SYT1: variants seen among roughly 807,000 people sequenced by gnomAD.
SYT1 encodes synaptotagmin-1.
A neutral mutation model predicts 44.8 loss-of-function variants in SYT1; 8 were observed. The observed-to-expected ratio is 0.18, with a 90% confidence interval of 0.10 to 0.32. SYT1 has a LOEUF of 0.32. SYT1 is among the 10% of genes least tolerant of loss of function. The probability of loss-of-function intolerance (pLI) is 1.00; values close to 1 mark genes in which losing one functional copy is unlikely to be tolerated. For missense variants in SYT1, 286 were observed against 509.3 expected (o/e 0.56, Z 4.22); for synonymous variants, 154 against 188.8 (o/e 0.82, Z 1.51).
intron 1 of SYT1, among the ~76,000 whole-genome samples, chr12:78,869,390 T>C (rs938245775): frequency 3.9e-5 from 6 of 152,030 alleles, no homozygotes; most frequent in African/African-American, 1.4e-4. Flanking sequence ...AAATGTATGC[T>C]ACCTATTAGA....
chr12:79,006,545 A>G (rs1402804467), intron 2 of SYT1, among the ~76,000 whole-genome samples: 1 of 150,420 alleles, frequency 6.6e-6, no homozygotes, highest in African/African-American at 2.5e-5. Flanking sequence ...TTTGGCAGTC[A>G]GTAGGGATAA....
chr12:78,893,994 G>T (rs1875200185), intron 1 of SYT1, among the ~76,000 whole-genome samples: 1 of 151,534 alleles, frequency 6.6e-6, no homozygotes, highest in Admixed American at 6.6e-5. Flanking sequence ...GCAAAAATAA[G>T]CTGTTTTAAC....
At chr12:79,296,386 T>C in intron 7 of SYT1, 150 bp downstream of exon 7, 1 of 792,434 alleles carries the variant, frequency 1.3e-6, no homozygotes, top group Non-Finnish European at 1.9e-6. Context: ...TTATCTTCAC[T>C]ACAGTCAACA....
chr12:79,375,254 C>T (rs1883946610), intron 9 of SYT1, among the ~76,000 whole-genome samples: 1 of 152,118 alleles, frequency 6.6e-6, no homozygotes, highest in African/African-American at 2.4e-5. Context: ...GAGTACTTAA[C>T]CTCCACTGGA....
chr12:79,069,530 A>G (rs1441007650), intron 3 of SYT1, among the ~76,000 whole-genome samples: 1 of 150,206 alleles, frequency 6.7e-6, no homozygotes, highest in Non-Finnish European at 1.5e-5. Context: ...TTTCTATTTT[A>G]TTTATGGATA....
At chr12:79,342,062 G>A (rs1173456120) in intron 8 of SYT1, among the ~76,000 whole-genome samples, 2 of 152,084 alleles carry the variant, frequency 1.3e-5, no homozygotes, top group Admixed American at 6.6e-5. Context: ...ATGATATAAA[G>A]AAGGCTTTCC....
intron 1 of SYT1, among the ~76,000 whole-genome samples, chr12:78,952,485 C>T (rs139586792): frequency 2.0e-5 from 3 of 152,142 alleles, no homozygotes; most frequent in African/African-American, 4.8e-5. Context: ...ATTATAGGTC[C>T]AGTTTGTTTC....
chr12:79,178,485 C>T (rs1177995572), intron 3 of SYT1, among the ~76,000 whole-genome samples: 1 of 151,900 alleles, frequency 6.6e-6, no homozygotes, highest in Non-Finnish European at 1.5e-5. Flanking sequence ...TATTCTAGGC[C>T]CACTTTGTAC....
chr12:78,880,690 A>G (rs1874406606), intron 1 of SYT1, among the ~76,000 whole-genome samples: 1 of 151,636 alleles, frequency 6.6e-6, no homozygotes. Context: ...AACAATTTGC[A>G]TAGAGATGAC....
At chr12:79,017,064 A>G (rs1871855142) in intron 2 of SYT1, among the ~76,000 whole-genome samples, 2 of 152,128 alleles carry the variant, frequency 1.3e-5, no homozygotes, top group Non-Finnish European at 2.9e-5. Flanking sequence ...GGGAATGGAG[A>G]AAAATATAGT....
chr12:79,441,319 CTGT>C (rs974479273), intron 9 of SYT1, among the ~76,000 whole-genome samples: 8 of 151,930 alleles, frequency 5.3e-5, no homozygotes, highest in Admixed American at 1.3e-4. Flanking sequence ...GCTGCTGCTG[CTGT>C]TGTTGTTGTT....
At chr12:79,166,584 T>C (rs1871234394) in intron 3 of SYT1, among the ~76,000 whole-genome samples, 1 of 152,028 alleles carries the variant, frequency 6.6e-6, no homozygotes, top group Non-Finnish European at 1.5e-5. Flanking sequence ...TATGGTGTGA[T>C]GCCCAAGTAA....
chr12:79,204,254 T>C (rs1592850430), intron 3 of SYT1, among the ~76,000 whole-genome samples: 1 of 152,376 alleles, frequency 6.6e-6, no homozygotes, highest in Non-Finnish European at 1.5e-5. Flanking sequence ...TTTATTGATA[T>C]ATTATTTCTA....
At chr12:79,178,340 T>A (rs1872029721) in intron 3 of SYT1, among the ~76,000 whole-genome samples, 1 of 152,068 alleles carries the variant, frequency 6.6e-6, no homozygotes, top group Non-Finnish European at 1.5e-5. Context: ...TTTTTTGTAG[T>A]CCATCACCAT....
At chr12:79,189,304 T>C (rs1487698628) in intron 3 of SYT1, among the ~76,000 whole-genome samples, 2 of 152,294 alleles carry the variant, frequency 1.3e-5, no homozygotes, top group African/African-American at 4.8e-5. Flanking sequence ...TTAATTTCCT[T>C]ACTGTAACAT....
At chr12:79,411,160 A>G (rs951708464) in intron 9 of SYT1, among the ~76,000 whole-genome samples, 3 of 152,232 alleles carry the variant, frequency 2.0e-5, no homozygotes, top group African/African-American at 7.2e-5. Flanking sequence ...CATCTATCAC[A>G]AGGAACCTAA....
At chr12:79,165,255 T>C (rs1872544037) in intron 3 of SYT1, among the ~76,000 whole-genome samples, 2 of 151,998 alleles carry the variant, frequency 1.3e-5, no homozygotes, top group South Asian at 2.1e-4. Flanking sequence ...AAAATTATAA[T>C]TGAACAGTTA....
chr12:79,000,705 A>C, intron 2 of SYT1, among the ~76,000 whole-genome samples: 1 of 152,160 alleles, frequency 6.6e-6, no homozygotes, highest in East Asian at 1.9e-4. Flanking sequence ...GGATTTCCTA[A>C]TGGTGCCTTA....
intron 4 of SYT1, among the ~76,000 whole-genome samples, chr12:79,245,415 A>T (rs926696667): frequency 2.0e-5 from 3 of 149,830 alleles, no homozygotes; most frequent in Admixed American, 6.6e-5. Context: ...GCGGAGCTGC[A>T]ATGAGCCCAG....
Sources: allele counts gnomAD v4.1 joint callset (sites outside exome capture counted in the v4.1 genomes callset), GRCh38; gene constraint gnomAD v4.1.1; transcripts MANE v1.5; gene names NCBI Gene and HGNC (gene_info 2026-07-23, HGNC 2026-07-21).